Variants in NEDD4L observed in about 807,000 individuals in gnomAD.
The protein encoded by NEDD4L is NEDD4 like E3 ubiquitin protein ligase, also known as E3 ubiquitin-protein ligase NEDD4-like.
Under a neutral mutation model 148.9 loss-of-function variants are expected in NEDD4L, and 54 were observed. The observed-to-expected ratio is 0.36, with a 90% confidence interval of 0.29 to 0.45. The LOEUF (loss-of-function observed/expected upper bound fraction) is 0.45, where lower values mean the gene tolerates loss of function less well. Ranked by LOEUF, NEDD4L falls within the 20% of genes least tolerant of loss-of-function variation. The pLI, the probability that NEDD4L is intolerant of heterozygous loss-of-function variation, is 1.00. For synonymous variants in NEDD4L, 433 were observed against 440.7 expected (o/e 0.98, Z 0.22); for missense variants, 856 against 1,233.8 (o/e 0.69, Z 4.59).
intron 6 of NEDD4L, among the ~76,000 whole-genome samples, chr18:58,319,893 A>G (rs139174550): frequency 1.2e-4 from 18 of 152,206 alleles, no homozygotes; most frequent in African/African-American, 4.3e-4. Context: ...CTTTATAGAA[A>G]CCAACTCAGT....
intron 1 of NEDD4L, among the ~76,000 whole-genome samples, chr18:58,073,025 G>C (rs1423599623): frequency 6.6e-6 from 1 of 151,976 alleles, no homozygotes; most frequent in Non-Finnish European, 1.5e-5. Context: ...TAAAATACTT[G>C]GGAATAAGTT....
rs1187281505 is a variant in NEDD4L at position 58,152,691 on chromosome 18, C to T, written c.49-13097C>T. Among the ~76,000 whole-genome samples the T allele has an allele frequency of 1.2e-4, 19 of 152,312 alleles. No individual in the cohort carries two copies. The South Asian group carries it at 3.7e-3, about 30-fold the overall frequency. On this transcript the variant is annotated intron_variant, in intron 1 of 30. Coordinates refer to ENST00000400345, the MANE Select transcript of NEDD4L (RefSeq NM_001144967.3). ...CGGATTCTGGAAGTCTGAAGTGGGG[C>T]TTGGGAATCTCCATTTCTTCCAAGT...
chr18:58,129,911 T>C (rs1288129806), intron 1 of NEDD4L, among the ~76,000 whole-genome samples: 1 of 146,944 alleles, frequency 6.8e-6, no homozygotes, highest in African/African-American at 2.5e-5. Flanking sequence ...CTCTGGAGTT[T>C]GGTTGTGATC....
chr18:58,072,082 A>G (rs1388870229), intron 1 of NEDD4L, among the ~76,000 whole-genome samples: 3 of 152,314 alleles, frequency 2.0e-5, no homozygotes, highest in East Asian at 3.9e-4. Flanking sequence ...TGACTAAAGA[A>G]TTTGAAAATC....
chr18:58,276,701 T>TAATATTAATTAATAATAATA (rs1555783412), intron 5 of NEDD4L, among the ~76,000 whole-genome samples: 1 of 149,650 alleles, frequency 6.7e-6, no homozygotes, highest in African/African-American at 2.4e-5. Context: ...ATAATATTAT[T>TAATATTAATTAATAATAATA]ATTATTATTA....
chr18:58,107,561 T>A (rs1219528006), intron 1 of NEDD4L, among the ~76,000 whole-genome samples: 1 of 152,014 alleles, frequency 6.6e-6, no homozygotes, highest in African/African-American at 2.4e-5. Flanking sequence ...CTACAAAAAT[T>A]ACAAAATATC....
intron 5 of NEDD4L, among the ~76,000 whole-genome samples, chr18:58,265,998 G>A (rs890381531): frequency 2.0e-5 from 3 of 152,008 alleles, no homozygotes; most frequent in Admixed American, 2.0e-4. Context: ...TGACATTTAT[G>A]TAAGAAAAAT....
chr18:58,350,924 G>T, intron 17 of NEDD4L, 67 bp from the exon 18 acceptor site: 6 of 1,252,902 alleles, frequency 4.8e-6, no homozygotes. Flanking sequence ...TTTAAATGTT[G>T]CCTTTGATTT....
At chr18:58,347,917 C>T (rs1236174887) in intron 16 of NEDD4L, among the ~76,000 whole-genome samples, 1 of 151,700 alleles carries the variant, frequency 6.6e-6, no homozygotes, top group Non-Finnish European at 1.5e-5. Context: ...TATCAAATGT[C>T]TTCACAGTTT....
intron 5 of NEDD4L, among the ~76,000 whole-genome samples, chr18:58,275,602 C>A (rs755297043): frequency 6.6e-6 from 1 of 152,232 alleles, no homozygotes; most frequent in Non-Finnish European, 1.5e-5. Flanking sequence ...ACGAGGCCTT[C>A]TTCCAGGGAG....
At chr18:58,103,792 T>C (rs2084908325) in intron 1 of NEDD4L, among the ~76,000 whole-genome samples, 1 of 152,340 alleles carries the variant, frequency 6.6e-6, no homozygotes, top group East Asian at 1.9e-4. Context: ...GTACAGCTGT[T>C]GGAGAGACTG....
At position 58,378,761 on chromosome 18, in the gene NEDD4L, G is replaced by A. The variant is rs916643267; in HGVS notation, c.2353-4485G>A. ...CGTTTCCAAGAATGGAGTCTGACAA[G>A]CAGATAAGCCTTGCTCCACCCAAGT... On this transcript the variant is annotated intron_variant, in intron 24 of 30. Transcript: ENST00000400345. 1.7e-4 allele frequency among the ~76,000 whole-genome samples: 26 copies of A among 152,198 alleles called. 1 individual carries two copies. The highest frequency in any genetic ancestry group is 6.3e-4 in the African/African-American group (26 of 41,444).
chr18:58,082,955 T>G (rs1397846982), intron 1 of NEDD4L, among the ~76,000 whole-genome samples: 1 of 152,190 alleles, frequency 6.6e-6, no homozygotes, highest in Non-Finnish European at 1.5e-5. Context: ...TCATCAATCA[T>G]TCTTTTTAAA....
chr18:58,361,677 T>C (rs2045510562), intron 19 of NEDD4L, among the ~76,000 whole-genome samples: 1 of 152,144 alleles, frequency 6.6e-6, no homozygotes, highest in South Asian at 2.1e-4. Context: ...CGGCCAGTGA[T>C]GATGTGAAAA....
rs751041038 is a variant in NEDD4L, at chr18:58,397,803, G to C, written c.*1534G>C. 6.6e-6 allele frequency: 1 copy of C among 152,652 alleles called. No individual in the cohort carries two copies. The highest frequency in any genetic ancestry group is 1.5e-5 in the Non-Finnish European group (1 of 68,038). 9.5% of individuals were successfully genotyped at this position (152,652 alleles called of 1,614,324 possible). ...ACCTGAGGCAGTGTGGGAGTTGAAC[G>C]ACCCTGCTGTCCTTTTTAACCTGTG... is the stretch of plus-strand genomic sequence containing the variant. On this transcript the variant is annotated 3_prime_UTR_variant, in exon 31 of 31. Transcript: ENST00000400345.
At chr18:58,048,773 T>C (rs998262956) in intron 1 of NEDD4L, among the ~76,000 whole-genome samples, 7 of 152,230 alleles carry the variant, frequency 4.6e-5, no homozygotes, top group Non-Finnish European at 8.8e-5. Flanking sequence ...GGCCACATTC[T>C]AACCTAGTTA....
chr18:58,308,469 G>A (rs1404725886), intron 5 of NEDD4L, among the ~76,000 whole-genome samples: 1 of 152,248 alleles, frequency 6.6e-6, no homozygotes, highest in African/African-American at 2.4e-5. Flanking sequence ...GAACCTGTAA[G>A]CATGACAAGC....
At chr18:58,209,342 TCCTGCCC>T (rs1568392425) in intron 2 of NEDD4L, among the ~76,000 whole-genome samples, 1 of 22 alleles carries the variant, frequency 0.045, no homozygotes, top group Non-Finnish European at 0.071. Flanking sequence ...CTCTCCCTCC[TCCTGCCC>T]CCTCCTCCTC....
chr18:58,253,693 G>GA (rs528630694), intron 5 of NEDD4L, among the ~76,000 whole-genome samples: 130 of 152,168 alleles, frequency 8.5e-4, no homozygotes, highest in Middle Eastern at 6.8e-3. Flanking sequence ...CAAATTTGAG[G>GA]AAAAATGGCC....
Sources: gnomAD v4.1 joint callset for allele counts (sites outside exome capture counted in the v4.1 genomes callset) on GRCh38, gnomAD v4.1.1 for gene constraint, MANE v1.5 for transcripts, NCBI Gene and HGNC (gene_info 2026-07-23, HGNC 2026-07-21) for gene names.